The following PPFIA2 variants were observed in gnomAD, a reference collection of about 807,000 sequenced individuals.
PPFIA2 encodes the protein liprin-alpha-2.
Under a neutral mutation model 175.5 loss-of-function variants are expected in PPFIA2, and 46 were observed. The observed-to-expected ratio is 0.26, with a 90% CI of 0.21 to 0.34. The LOEUF is 0.34. PPFIA2 is among the 10% of genes least tolerant of loss of function. PPFIA2 has a pLI of 1.00. For synonymous variants in PPFIA2, 568 were observed against 511.4 expected (o/e 1.11, Z -1.49); for missense variants, 1,179 against 1,506.1 (o/e 0.78, Z 3.60).
At chr12:81,284,579 A>C (rs2042841657) in intron 24 of PPFIA2, among the ~76,000 whole-genome samples, 1 of 152,226 alleles carries the variant, frequency 6.6e-6, no homozygotes, top group African/African-American at 2.4e-5. Context: ...AAAGAGCATC[A>C]TCAAAATTTG....
chr12:81,499,918 C>T (rs888201198), intron 4 of PPFIA2, among the ~76,000 whole-genome samples: 1 of 151,968 alleles, frequency 6.6e-6, no homozygotes, highest in African/African-American at 2.4e-5. Flanking sequence ...ACTTGATAAT[C>T]TCTCCAAAAC....
At chr12:81,577,443 A>G (rs1345211968) in intron 4 of PPFIA2, among the ~76,000 whole-genome samples, 1 of 151,934 alleles carries the variant, frequency 6.6e-6, no homozygotes, top group Non-Finnish European at 1.5e-5. Flanking sequence ...GAGAGCATTC[A>G]TTAAACCACC....
intron 17 of PPFIA2, among the ~76,000 whole-genome samples, chr12:81,352,216 A>C (rs985867271): frequency 1.3e-5 from 2 of 151,910 alleles, no homozygotes; most frequent in Non-Finnish European, 2.9e-5. Flanking sequence ...TCTTTAGTAA[A>C]GGCTCTCAGA....
At chr12:81,448,614 T>A (rs186599334) in intron 5 of PPFIA2, among the ~76,000 whole-genome samples, 1 of 152,368 alleles carries the variant, frequency 6.6e-6, no homozygotes, top group East Asian at 1.9e-4. Flanking sequence ...TTGCTCATTC[T>A]GGTATAGCTT....
chr12:81,549,214 T>C (rs989479635), intron 4 of PPFIA2, among the ~76,000 whole-genome samples: 3 of 152,022 alleles, frequency 2.0e-5, no homozygotes, highest in Non-Finnish European at 4.4e-5. Context: ...TTTGCTGCTA[T>C]CTTCCTAGAG....
intron 3 of PPFIA2, among the ~76,000 whole-genome samples, chr12:81,720,357 A>G (rs2079156716): frequency 6.6e-6 from 1 of 151,526 alleles, no homozygotes. Flanking sequence ...TCTGCATGTC[A>G]AATGCACATA....
chr12:81,502,383 C>A (rs1037131922), intron 4 of PPFIA2, among the ~76,000 whole-genome samples: 2 of 152,184 alleles, frequency 1.3e-5, no homozygotes, highest in African/African-American at 4.8e-5. Context: ...GTTCTGGCTG[C>A]ATGTTTACCT....
rs546250542 is a variant in PPFIA2 at position 81,578,709 on chromosome 12, G to A, written c.303+98082C>T. 5.9e-5 allele frequency among the ~76,000 whole-genome samples: 9 copies of A among 151,828 alleles called. No homozygotes were observed. In the South Asian group the frequency reaches 1.9e-3, roughly 31 times the overall value. ...TTATTATTTTCATTTTATAGTGAGA[G>A]CGTAGTTAAATAACTTGCCCAAAGT... is the stretch of plus-strand genomic sequence containing the variant. On this transcript the variant is annotated intron_variant, in intron 4 of 32. Coordinates refer to ENST00000549396, the MANE Select transcript of PPFIA2 (RefSeq NM_003625.5).
Position 81,375,881 on chromosome 12 carries a change from C to T in PPFIA2, c.1046G>A (p.Ser349Asn), listed in dbSNP as rs367987653. The T allele has an allele frequency of 1.6e-4, 261 of 1,612,046 alleles. 1 individual carries two copies. The East Asian group carries it at 5.3e-3, about 33-fold the overall frequency. Residue 349 changes from serine to asparagine, a missense_variant, in exon 10 of 33, where the codon AGT becomes AAT. Around this residue, in one of 10 missense-constraint regions of PPFIA2, gnomAD observed 226 missense variants for 216.6 expected, o/e 1.04. Transcript: ENST00000549396. Reference sequence around the variant, plus strand: ...TATGGAGGTAGATTCTCTCTGAGCACTGAGGTAACGCTTTTCAAGGGTTGT... The same window carrying T: ...TATGGAGGTAGATTCTCTCTGAGCATTGAGGTAACGCTTTTCAAGGGTTGT... Reference protein sequence around the residue: ...RITTLEKRYLSAQRESTSIHD... With the variant: ...RITTLEKRYLNAQRESTSIHD...
At chr12:81,640,168 A>C (rs2153514180) in intron 4 of PPFIA2, among the ~76,000 whole-genome samples, 1 of 152,266 alleles carries the variant, frequency 6.6e-6, no homozygotes, top group South Asian at 2.1e-4. Flanking sequence ...GACTATCATA[A>C]AATTTTGGAG....
chr12:81,736,773 C>A (rs2081629338), intron 3 of PPFIA2, among the ~76,000 whole-genome samples: 1 of 151,922 alleles, frequency 6.6e-6, no homozygotes, highest in Admixed American at 6.6e-5. Context: ...TAGACAAAGT[C>A]TCTGTCTGTC....
At chr12:81,638,476 A>G (rs370593652) in intron 4 of PPFIA2, among the ~76,000 whole-genome samples, 74 of 152,092 alleles carry the variant, frequency 4.9e-4, no homozygotes, top group African/African-American at 1.6e-3. Context: ...AAAGAGAGCC[A>G]TAAGTTAGAT....
At chr12:81,345,342 A>C (rs2058869957) in intron 18 of PPFIA2, among the ~76,000 whole-genome samples, 1 of 152,122 alleles carries the variant, frequency 6.6e-6, no homozygotes, top group African/African-American at 2.4e-5. Flanking sequence ...TTAGATATTA[A>C]ACACTTTAAA....
intron 7 of PPFIA2, among the ~76,000 whole-genome samples, chr12:81,436,758 A>G (rs980903570): frequency 1.3e-5 from 2 of 152,196 alleles, no homozygotes; most frequent in Admixed American, 6.5e-5. Flanking sequence ...TACTCTCTTA[A>G]AAGAATCACT....
chr12:81,272,998 A>C (rs773572875), intron 28 of PPFIA2, among the ~76,000 whole-genome samples: 4 of 152,144 alleles, frequency 2.6e-5, no homozygotes, highest in Non-Finnish European at 4.4e-5. Flanking sequence ...AAATAGCCTG[A>C]TCTGTTTAAG....
intron 4 of PPFIA2, among the ~76,000 whole-genome samples, chr12:81,613,560 G>A (rs1333943558): frequency 6.6e-6 from 1 of 152,066 alleles, no homozygotes. Context: ...TAGGTTCTAT[G>A]ATACACTGTG....
chr12:81,642,706 G>T lies in PPFIA2; in HGVS notation c.303+34085C>A, dbSNP rs1224478599. Among the ~76,000 whole-genome samples, 33 of 35,552 alleles carry T rather than the reference G, an allele frequency of 9.3e-4. 15 individuals carry two copies. The South Asian group carries it at 0.038, about 41-fold the overall frequency. 23.3% of individuals were successfully genotyped at this position (35,552 alleles called of 152,430 possible). ...ATCTATTATATACATACATGTATAT[G>T]TATGTATGTATTATATACATACATG... On this transcript the variant is annotated intron_variant, in intron 4 of 32. Transcript: ENST00000549396.
chr12:81,678,855 T>G (rs1202839749), intron 3 of PPFIA2, among the ~76,000 whole-genome samples: 1 of 151,846 alleles, frequency 6.6e-6, no homozygotes, highest in Non-Finnish European at 1.5e-5. Context: ...CCTAATTATA[T>G]CGGCATTTTT....
intron 4 of PPFIA2, among the ~76,000 whole-genome samples, chr12:81,599,759 C>T (rs1033085286): frequency 6.6e-6 from 1 of 151,968 alleles, no homozygotes; most frequent in Admixed American, 6.6e-5. Context: ...TGTCATGTCT[C>T]TCCAGTTTCT....
Sources: allele counts gnomAD v4.1 joint callset (sites outside exome capture counted in the v4.1 genomes callset), GRCh38; gene constraint gnomAD v4.1.1; regional missense constraint gnomAD v4.1.1; transcripts MANE v1.5; gene names NCBI Gene and HGNC (gene_info 2026-07-23, HGNC 2026-07-21).